ZNF195: variants seen among roughly 807,000 people sequenced by gnomAD.
ZNF195 encodes the protein hypoxia-regulated factor-1.
Under a neutral mutation model 19.5 loss-of-function variants are expected in ZNF195, and 11 were observed. That is an observed-to-expected ratio of 0.57 (90% CI 0.36 to 0.94). The LOEUF is 0.94. Among genes scored for constraint, ZNF195 ranks in the 40% least tolerant of loss-of-function variants. The pLI is 0.01. For missense variants in ZNF195, 582 were observed against 709.0 expected (o/e 0.82, Z 2.03); for synonymous variants, 214 against 248.1 (o/e 0.86, Z 1.29).
Position 3,368,417 on chromosome 11 carries a change from G to A in ZNF195, c.226+2558C>T, listed in dbSNP as rs145010956. Among the ~76,000 whole-genome samples the A allele has an allele frequency of 2.1e-3, 319 of 152,280 alleles. 1 individual carries two copies. The highest frequency in any genetic ancestry group is 6.9e-3 in the African/African-American group (287 of 41,554). ...CAGGCCAGAAGTTCAGAACCAGCCT[G>A]GGTGACACAGAGAGATCTCATCTCA... is the stretch of plus-strand genomic sequence containing the variant. On this transcript the variant is annotated intron_variant, in intron 3 of 5. Transcript: ENST00000399602.
chr11:3,368,236 A>T (rs1443181515), intron 3 of ZNF195, among the ~76,000 whole-genome samples: 1 of 152,250 alleles, frequency 6.6e-6, no homozygotes, highest in East Asian at 1.9e-4. Flanking sequence ...GACATAGAAA[A>T]ATGGTGACAT....
chr11:3,366,263 C>CAAAAAAA (rs35338297), intron 3 of ZNF195, among the ~76,000 whole-genome samples: 4 of 88,934 alleles, frequency 4.5e-5, no homozygotes, highest in Non-Finnish European at 4.3e-5. Context: ...GACTCCATCT[C>CAAAAAAA]AAAAAAAAAA....
rs1848991784 is a variant in ZNF195 at position 3,368,056 on chromosome 11, A to G, written c.226+2919T>C. Among the ~76,000 whole-genome samples the G allele has an allele frequency of 2.0e-5, 3 of 148,164 alleles. No individual in the cohort carries two copies. In the South Asian group the frequency reaches 6.6e-4, roughly 33 times the overall value. ...GCGCCATTGCACTCCAGCCTGGGTAACAAGAGCAAAACTCTATCTCAAAAC... is the reference window on the plus strand; with the variant it reads ...GCGCCATTGCACTCCAGCCTGGGTAGCAAGAGCAAAACTCTATCTCAAAAC... On this transcript the variant is annotated intron_variant, in intron 3 of 5. Transcript: ENST00000399602.
Position 3,359,895 on chromosome 11 carries a change from A to G in ZNF195, c.1113T>C (p.Asn371=). 3.7e-6 allele frequency: 6 copies of G among 1,613,822 alleles called. No individual in the cohort carries two copies. The highest frequency in any genetic ancestry group is 4.5e-5 in the East Asian group (2 of 44,860). The stretch of plus-strand genomic sequence containing the variant: ...TCTCTCCAGCAAGAATCATCTGTTG[A>G]TTAGAAAGGCTTGAGCAAGAGATAA... ...SVFISCSSLS[N]QQMILAGEKL... Residue 371 remains asparagine, a synonymous_variant, in exon 6 of 6, where the codon AAT becomes AAC. Transcript: ENST00000399602. The surrounding 1 kb of genome is among the most constrained non-coding windows in gnomAD (Gnocchi z 5.5).
chr11:3,375,074 T>C (rs572999231), intron 1 of ZNF195, among the ~76,000 whole-genome samples: 1 of 152,350 alleles, frequency 6.6e-6, no homozygotes, highest in South Asian at 2.1e-4. Context: ...TTTAACTCTG[T>C]AGCTAAACCC....
chr11:3,367,063 T>TAAAA (rs745424546), intron 3 of ZNF195: 8 of 148,410 alleles, frequency 5.4e-5, no homozygotes, highest in South Asian at 2.8e-4. Context: ...AAACTCTGTG[T>TAAAA]AAAAAAAAAA....
intron 1 of ZNF195, among the ~76,000 whole-genome samples, chr11:3,376,837 T>C (rs4758578): frequency 0.91 from 138,238 of 152,292 alleles, 62,826 homozygotes; most frequent in East Asian, 0.99. Context: ...GAGATACTCA[T>C]GACAACAAAT....
At position 3,379,046 on chromosome 11, in the gene ZNF195, G is replaced by C; in HGVS notation, c.-6C>G. 6.7e-7 allele frequency: 1 copy of C among 1,494,450 alleles called. No individual in the cohort carries two copies. 92.6% of individuals were successfully genotyped at this position (1,494,450 alleles called of 1,614,324 possible). A position where few individuals can be genotyped will look rare whatever the true frequency, so the allele number is the denominator to read the frequency against. ...CTGGCCCCTACACTCACCATCTCCT[G>C]GCCTCCAGAGAGCCTGGCGTTTCAC... is the stretch of plus-strand genomic sequence containing the variant. On this transcript the variant is annotated 5_prime_UTR_variant, in exon 1 of 6. Transcript: ENST00000399602.
At chr11:3,371,831 T>C in intron 1 of ZNF195, 128 bp from the exon 2 acceptor site, 1 of 1,090,520 alleles carries the variant, frequency 9.2e-7, no homozygotes, top group Non-Finnish European at 1.3e-6. Context: ...AGAAGAATAC[T>C]CTCTAACTCT....
Position 3,359,755 on chromosome 11 carries a change from A to G in ZNF195, c.1253T>C (p.Ile418Thr). The G allele has an allele frequency of 6.2e-7, 1 of 1,614,206 alleles. No homozygotes were observed. Among genetic ancestry groups the G allele is most frequent in the South Asian group, 1.1e-5 (1 of 91,084 alleles). ...AGTAAGGTCTGAGAACCACTTGAAG[A>G]TGCTGTCACATTCCTCACATTTGAA... ...KPFKCEECDS[I>T]FKWFSDLTKH... is the part of the protein sequence containing the mutation. The change falls in exon 6 of 6, where the codon ATC becomes ACC. Residue 418 changes from isoleucine to threonine, a missense_variant. Physicochemically the swap from Ile to Thr is moderately conservative, Grantham distance 89. This residue lies in a region of ZNF195 where 407 missense variants were observed against 530.5 expected (regional missense o/e 0.77). Coordinates refer to ENST00000399602, the MANE Select transcript of ZNF195 (RefSeq NM_001130520.3). The surrounding 1 kb of genome is among the most constrained non-coding windows in gnomAD (Gnocchi z 5.5).
At chr11:3,365,996 G>A (rs935192855) in intron 3 of ZNF195, among the ~76,000 whole-genome samples, 1 of 151,994 alleles carries the variant, frequency 6.6e-6, no homozygotes, top group Non-Finnish European at 1.5e-5. Context: ...GGTGGCTCAC[G>A]CCTATAATCC....
chr11:3,359,082 C>T lies in ZNF195; in HGVS notation c.*36G>A, dbSNP rs376431416. ...AAAGTGGGATGCGAGCAGATACTAA[C>T]GGCTTTGCCTATTTTTATATTTGTT... On this transcript the variant is annotated 3_prime_UTR_variant, in exon 6 of 6. Transcript: ENST00000399602. The surrounding 1 kb of genome is among the most constrained non-coding windows in gnomAD (Gnocchi z 5.5). 2.2e-5 allele frequency: 33 copies of T among 1,510,018 alleles called. No homozygotes were observed. The highest frequency in any genetic ancestry group is 1.8e-4 in the Middle Eastern group (1 of 5,646). The allele number at this position is 1,510,018 out of a possible 1,614,324, so 93.5% of individuals were successfully genotyped here. A position where few individuals can be genotyped will look rare whatever the true frequency, so the allele number is the denominator to read the frequency against.
rs561970201 is a variant in ZNF195, at chr11:3,369,950, C to T, written c.226+1025G>A. 6.6e-5 allele frequency among the ~76,000 whole-genome samples: 10 copies of T among 152,212 alleles called. No individual in the cohort carries two copies. The East Asian group carries it at 1.4e-3, about 21-fold the overall frequency. ...AGTGATTGCACTAATTATTTCACAACGTATACACATATCAAATTATTACAT... is the reference window on the plus strand; with the variant it reads ...AGTGATTGCACTAATTATTTCACAATGTATACACATATCAAATTATTACAT... On this transcript the variant is annotated intron_variant, in intron 3 of 5. Transcript: ENST00000399602.
chr11:3,359,185 C>T lies in ZNF195; in HGVS notation c.1823G>A (p.Cys608Tyr), dbSNP rs778550359. The T allele has an allele frequency of 6.0e-5, 96 of 1,612,588 alleles. No individual in the cohort carries two copies. The highest frequency in any genetic ancestry group is 8.1e-5 in the Non-Finnish European group (95 of 1,179,370). The change falls in exon 6 of 6, where the codon TGT becomes TAT. Residue 608 changes from cysteine to tyrosine, a missense_variant. Around this residue, in one of 3 missense-constraint regions of ZNF195, gnomAD observed 407 missense variants for 530.5 expected, o/e 0.77. Transcript: ENST00000399602. This position sits in a 1 kb window ranked among gnomAD's most constrained non-coding sequence, Gnocchi z 5.5. ...GGTGAAGGCTTTGCCACACTTTTCA[C>T]ACTTGTAGGGTTTCTCTCCAGTATG... ...RIHTGEKPYK[C>Y]EKCGKAFTQF...
At chr11:3,366,141 G>A (rs1848870084) in intron 3 of ZNF195, among the ~76,000 whole-genome samples, 2 of 151,020 alleles carry the variant, frequency 1.3e-5, no homozygotes, top group South Asian at 2.1e-4. Flanking sequence ...GCGGGCGCCT[G>A]TAGTCCCAGC....
rs1204118383 is a variant in ZNF195, at chr11:3,357,994, C to G, written c.*1124G>C. 1 of 151,358 alleles carries G rather than the reference C, an allele frequency of 6.6e-6. No individual in the cohort carries two copies. Among genetic ancestry groups the G allele is most frequent in the Non-Finnish European group, 1.5e-5 (1 of 67,992 alleles). 9.4% of individuals were successfully genotyped at this position (151,358 alleles called of 1,614,324 possible). A position where few individuals can be genotyped will look rare whatever the true frequency, so the allele number is the denominator to read the frequency against. On this transcript the variant is annotated 3_prime_UTR_variant, in exon 6 of 6. Coordinates refer to ENST00000399602, the MANE Select transcript of ZNF195 (RefSeq NM_001130520.3). The stretch of plus-strand genomic sequence containing the variant: ...CAGTTAGAGGAGGCAGCCCTGCTTA[C>G]AGACTATAGCAGGTTTTTATAGGGC...
chr11:3,364,661 T>C (rs1379945631), intron 3 of ZNF195, among the ~76,000 whole-genome samples: 1 of 151,406 alleles, frequency 6.6e-6, no homozygotes, highest in Non-Finnish European at 1.5e-5. Context: ...AAAATACCTA[T>C]ACAAGGTCTG....
At chr11:3,373,448 A>G in intron 1 of ZNF195, 1 of 742,168 alleles carries the variant, frequency 1.3e-6, no homozygotes. Flanking sequence ...ATTATAAGAA[A>G]AAAAAGTAGT....
chr11:3,374,937 C>T (rs1849384765), intron 1 of ZNF195, among the ~76,000 whole-genome samples: 1 of 152,222 alleles, frequency 6.6e-6, no homozygotes, highest in Non-Finnish European at 1.5e-5. Flanking sequence ...AAAATTAAGG[C>T]TCCAAAATAG....
Sources: gnomAD v4.1 joint callset for allele counts (sites outside exome capture counted in the v4.1 genomes callset) on GRCh38, gnomAD v4.1.1 for gene constraint, gnomAD v4.1.1 regional missense constraint, Gnocchi (gnomAD v3.1) non-coding constraint, MANE v1.5 for transcripts, NCBI Gene and HGNC (gene_info 2026-07-23, HGNC 2026-07-21) for gene names.